MYCBP2: variants seen among roughly 807,000 people sequenced by gnomAD.
MYCBP2 encodes E3 ubiquitin-protein ligase MYCBP2.
Under a neutral mutation model 525.3 loss-of-function variants are expected in MYCBP2, and 120 were observed. The observed-to-expected ratio is 0.23, with a 90% CI of 0.20 to 0.27. The LOEUF (loss-of-function observed/expected upper bound fraction) is 0.27. MYCBP2 is among the 10% of genes least tolerant of loss of function. MYCBP2 has a pLI of 1.00. For missense variants in MYCBP2, 4,149 were observed against 5,657.1 expected (o/e 0.73, Z 8.55); for synonymous variants, 1,894 against 1,955.8 (o/e 0.97, Z 0.83).
At chr13:77,229,793 C>T (rs552347658) in intron 18 of MYCBP2, among the ~76,000 whole-genome samples, 6 of 152,158 alleles carry the variant, frequency 3.9e-5, no homozygotes, top group South Asian at 4.1e-4. Context: ...AAGCCTAATT[C>T]CAAAGGCTAT....
At chr13:77,161,429 C>G (rs2057909568) in intron 44 of MYCBP2, among the ~76,000 whole-genome samples, 1 of 152,192 alleles carries the variant, frequency 6.6e-6, no homozygotes. Context: ...TCCCAATTGT[C>G]TACAGGCAAC....
chr13:77,266,881 T>C (rs1236810774), intron 8 of MYCBP2, among the ~76,000 whole-genome samples: 2 of 151,912 alleles, frequency 1.3e-5, no homozygotes, highest in Admixed American at 1.3e-4. Context: ...ATATTTACTT[T>C]AACATAGTGT....
Position 77,326,629 on chromosome 13 carries a change from C to T in MYCBP2, c.147G>A (p.Ala49=). Residue 49 remains alanine (A), a synonymous_variant, in exon 1 of 83, where the codon GCG becomes GCA. Coordinates refer to ENST00000544440, the MANE Select transcript of MYCBP2 (RefSeq NM_015057.5). The surrounding 1 kb of genome is among the most constrained non-coding windows in gnomAD (Gnocchi z 4.2). ...CGGCGGGTAGCCCCAGCCCCAGCCCCGCAGCAGCCACGGAGCCGTCGGGAA... is the reference window on the plus strand; with the variant it reads ...CGGCGGGTAGCCCCAGCCCCAGCCCTGCAGCAGCCACGGAGCCGTCGGGAA... ...MPVPDGSVAA[A]GLGLGLPAAD... 6.4e-7 allele frequency: 1 copy of T among 1,557,708 alleles called. No individual in the cohort carries two copies. The highest frequency in any genetic ancestry group is 8.7e-7 in the Non-Finnish European group (1 of 1,155,670).
At position 77,251,263 on chromosome 13, in the gene MYCBP2, C is replaced by G. The variant is rs1421967827; in HGVS notation, c.2269G>C (p.Gly757Arg). Residue 757 changes from glycine (G) to arginine (R), a missense_variant, in exon 15 of 83, where the codon GGC becomes CGC. Gly to Arg is a moderately radical substitution (Grantham distance 125). Coordinates refer to ENST00000544440, the MANE Select transcript of MYCBP2 (RefSeq NM_015057.5). ...KDEKSMMCPP[G>R]MHKWKLEQCM... ...TGCTCCAGCTTCCATTTGTGCATGCCTGGAGGGCACATCATAGACTTCTCA... is the reference window on the plus strand; with the variant it reads ...TGCTCCAGCTTCCATTTGTGCATGCGTGGAGGGCACATCATAGACTTCTCA... 1 of 1,614,194 alleles carries G rather than the reference C, an allele frequency of 6.2e-7. No homozygotes were observed. The highest frequency in any genetic ancestry group is 1.1e-5 in the South Asian group (1 of 91,084).
At chr13:77,201,691 G>C (rs199880675) in intron 26 of MYCBP2, among the ~76,000 whole-genome samples, 1 of 151,252 alleles carries the variant, frequency 6.6e-6, no homozygotes, top group South Asian at 2.1e-4. Flanking sequence ...ATAACAAACT[G>C]TCTCTCAGAC....
intron 20 of MYCBP2, among the ~76,000 whole-genome samples, chr13:77,224,151 C>A: frequency 6.6e-6 from 1 of 152,138 alleles, no homozygotes; most frequent in East Asian, 1.9e-4. Flanking sequence ...CATGCACAGC[C>A]TTTAAAAAGA....
intron 55 of MYCBP2, among the ~76,000 whole-genome samples, chr13:77,109,416 T>C (rs2048397539): frequency 6.6e-6 from 1 of 152,316 alleles, no homozygotes; most frequent in East Asian, 1.9e-4. Flanking sequence ...AATGCTCTCC[T>C]CCTGCTGTAC....
chr13:77,151,705 A>C (rs2154194355), intron 46 of MYCBP2, among the ~76,000 whole-genome samples: 1 of 152,348 alleles, frequency 6.6e-6, no homozygotes, highest in South Asian at 2.1e-4. Flanking sequence ...AGGAATTATA[A>C]CTTTGCAACT....
chr13:77,230,330 C>T (rs1040092311), intron 18 of MYCBP2, among the ~76,000 whole-genome samples: 1 of 152,110 alleles, frequency 6.6e-6, no homozygotes, highest in African/African-American at 2.4e-5. Context: ...TAGGATAGAA[C>T]ATAGCAATCA....
At chr13:77,296,088 A>C (rs1567188304) in intron 2 of MYCBP2, among the ~76,000 whole-genome samples, 1 of 152,236 alleles carries the variant, frequency 6.6e-6, no homozygotes, top group Non-Finnish European at 1.5e-5. Context: ...ATAATTTTCA[A>C]CATCCAGATA....
chr13:77,205,302 C>G lies in MYCBP2; in HGVS notation c.3797G>C (p.Gly1266Ala). The change falls in exon 26 of 83, where the codon GGT (glycine) becomes GCT (alanine). Residue 1266 changes from glycine to alanine, a missense_variant. Transcript: ENST00000544440. ...TCCTCTACCTCCAAACAGACCAAGACCACCAAGTAAAATATCAGTGTCGGC... is the reference window on the plus strand; with the variant it reads ...TCCTCTACCTCCAAACAGACCAAGAGCACCAAGTAAAATATCAGTGTCGGC... ...FSADTDILLG[G>A]LGLFGGRGEY... The G allele has an allele frequency of 6.2e-7, 1 of 1,613,678 alleles. No individual in the cohort carries two copies. Among genetic ancestry groups the G allele is most frequent in the Non-Finnish European group, 8.5e-7 (1 of 1,179,760 alleles).
At chr13:77,049,746 TGGCC>T (rs1181662952) in intron 82 of MYCBP2, among the ~76,000 whole-genome samples, 1 of 152,122 alleles carries the variant, frequency 6.6e-6, no homozygotes, top group Non-Finnish European at 1.5e-5. Flanking sequence ...AGTGATTCTC[TGGCC>T]TCAGCCTCGT....
chr13:77,311,266 A>G (rs929560331), intron 1 of MYCBP2, among the ~76,000 whole-genome samples: 2 of 152,218 alleles, frequency 1.3e-5, no homozygotes, highest in African/African-American at 4.8e-5. Flanking sequence ...GATCCCCTAA[A>G]CAACAAAAAA....
At chr13:77,063,933 T>C (rs558401065) in intron 73 of MYCBP2, among the ~76,000 whole-genome samples, 14 of 152,324 alleles carry the variant, frequency 9.2e-5, no homozygotes, top group Non-Finnish European at 1.8e-4. Flanking sequence ...GGATATATAG[T>C]TTATCTTCTT....
intron 62 of MYCBP2, among the ~76,000 whole-genome samples, chr13:77,085,534 C>T (rs894811320): frequency 6.6e-6 from 1 of 152,200 alleles, no homozygotes; most frequent in African/African-American, 2.4e-5. Flanking sequence ...ATACACAAAA[C>T]AGCCACAAAT....
chr13:77,317,161 G>A (rs551411464), intron 1 of MYCBP2, among the ~76,000 whole-genome samples: 2 of 152,202 alleles, frequency 1.3e-5, no homozygotes, highest in African/African-American at 4.8e-5. Context: ...CATGTTGGCT[G>A]AGCTGGTTTC....
intron 48 of MYCBP2, among the ~76,000 whole-genome samples, chr13:77,145,570 A>G (rs1438625852): frequency 6.6e-6 from 1 of 152,138 alleles, no homozygotes; most frequent in Non-Finnish European, 1.5e-5. Context: ...CAGCCTATAC[A>G]TAATTCTGCT....
chr13:77,116,911 C>A (rs971948665), intron 55 of MYCBP2, among the ~76,000 whole-genome samples: 8 of 151,958 alleles, frequency 5.3e-5, no homozygotes, highest in Admixed American at 1.3e-4. Context: ...CAAAAAGGTT[C>A]TCCTTTCTCC....
At chr13:77,246,789 A>G (rs1239346854) in intron 15 of MYCBP2, among the ~76,000 whole-genome samples, 2 of 152,206 alleles carry the variant, frequency 1.3e-5, no homozygotes, top group East Asian at 3.8e-4. Flanking sequence ...ACCATAACGA[A>G]GTGGGATTTA....
Sources: gnomAD v4.1 joint callset for allele counts (sites outside exome capture counted in the v4.1 genomes callset) on GRCh38, gnomAD v4.1.1 for gene constraint, Gnocchi (gnomAD v3.1) non-coding constraint, MANE v1.5 for transcripts, NCBI Gene and HGNC (gene_info 2026-07-23, HGNC 2026-07-21) for gene names.